Variants in ANTXR1 observed in about 807,000 individuals in gnomAD.
ANTXR1 encodes anthrax toxin receptor 1.
ANTXR1 carries 19 observed loss-of-function variants against 78.1 expected under a neutral mutation model. The ratio of observed to expected loss-of-function variants is 0.24; its 90% confidence interval spans 0.17 to 0.36. ANTXR1 has a LOEUF of 0.36. ANTXR1 is among the 10% of genes least tolerant of loss of function. The pLI is 1.00. For synonymous variants in ANTXR1, 273 were observed against 260.5 expected (o/e 1.05, Z -0.46); for missense variants, 518 against 718.6 (o/e 0.72, Z 3.19).
chr2:69,145,505 G>T, intron 12 of ANTXR1: 2 of 1,461,498 alleles, frequency 1.4e-6, no homozygotes, highest in East Asian at 2.5e-5. Context: ...CTGGAGTTAC[G>T]CACACTGAGT....
chr2:69,196,549 A>G (rs1183656181), intron 17 of ANTXR1, among the ~76,000 whole-genome samples: 3 of 152,168 alleles, frequency 2.0e-5, no homozygotes, highest in South Asian at 2.1e-4. Context: ...CTCTGTCTAT[A>G]TGCTTCTTCT....
intron 3 of ANTXR1, among the ~76,000 whole-genome samples, chr2:69,053,040 A>G (rs1467157942): frequency 6.6e-6 from 1 of 152,228 alleles, no homozygotes; most frequent in Non-Finnish European, 1.5e-5. Context: ...CAACATAAAT[A>G]TAAATTAGAA....
chr2:69,138,334 A>G (rs1241848016), intron 12 of ANTXR1, among the ~76,000 whole-genome samples: 1 of 152,152 alleles, frequency 6.6e-6, no homozygotes, highest in Non-Finnish European at 1.5e-5. Context: ...AGAATGGGAG[A>G]TGACCCACCA....
chr2:69,208,785 G>GC (rs1429251082), intron 17 of ANTXR1, among the ~76,000 whole-genome samples: 1 of 152,160 alleles, frequency 6.6e-6, no homozygotes, highest in Non-Finnish European at 1.5e-5. Flanking sequence ...ATGGATCTCT[G>GC]CCCTTTCTGG....
chr2:69,143,601 G>A (rs934373292), intron 12 of ANTXR1, among the ~76,000 whole-genome samples: 1 of 152,000 alleles, frequency 6.6e-6, no homozygotes, highest in African/African-American at 2.4e-5. Flanking sequence ...ACTATGGGAG[G>A]AAATGAGACA....
intron 10 of ANTXR1, among the ~76,000 whole-genome samples, chr2:69,117,309 T>C (rs1672177547): frequency 6.6e-6 from 1 of 152,230 alleles, no homozygotes; most frequent in Admixed American, 6.5e-5. Context: ...ATTCCGGCTC[T>C]GACACTCACA....
chr2:69,230,640 A>G (rs896329634), intron 17 of ANTXR1, among the ~76,000 whole-genome samples: 2 of 152,122 alleles, frequency 1.3e-5, no homozygotes, highest in African/African-American at 4.8e-5. Flanking sequence ...TTCAACCTTG[A>G]GCTACCCACT....
chr2:69,177,745 T>C (rs1674165764), intron 14 of ANTXR1, among the ~76,000 whole-genome samples: 1 of 152,170 alleles, frequency 6.6e-6, no homozygotes, highest in Admixed American at 6.5e-5. Context: ...CAAATTTTAC[T>C]GAAGGTTTAA....
intron 17 of ANTXR1, among the ~76,000 whole-genome samples, chr2:69,230,760 A>G (rs140422482): frequency 9.7e-4 from 147 of 152,284 alleles, no homozygotes; most frequent in South Asian, 3.9e-3. Context: ...CATTTTTCCC[A>G]GTCCTGAGTT....
intron 12 of ANTXR1, among the ~76,000 whole-genome samples, chr2:69,137,242 A>G (rs1157887984): frequency 6.6e-6 from 1 of 152,044 alleles, no homozygotes; most frequent in Non-Finnish European, 1.5e-5. Flanking sequence ...TTGATATCAT[A>G]CCTGTGTTTT....
At chr2:69,183,361 G>A (rs1197576324) in intron 16 of ANTXR1, among the ~76,000 whole-genome samples, 3 of 151,888 alleles carry the variant, frequency 2.0e-5, no homozygotes, top group Admixed American at 1.3e-4. Context: ...AGTGTAAACC[G>A]TTGGAGGCAG....
chr2:69,196,690 C>T (rs1674675009), intron 17 of ANTXR1, among the ~76,000 whole-genome samples: 1 of 152,184 alleles, frequency 6.6e-6, no homozygotes, highest in African/African-American at 2.4e-5. Context: ...AAAATGACTC[C>T]ATCCAGGCAT....
At chr2:69,238,972 A>G (rs1431346787) in intron 17 of ANTXR1, among the ~76,000 whole-genome samples, 1 of 152,094 alleles carries the variant, frequency 6.6e-6, no homozygotes, top group East Asian at 1.9e-4. Context: ...TGAGCTCACC[A>G]CTGGCAAGTC....
chr2:69,034,583 T>C (rs1012413229), intron 1 of ANTXR1, among the ~76,000 whole-genome samples: 1 of 152,162 alleles, frequency 6.6e-6, no homozygotes, highest in African/African-American at 2.4e-5. Flanking sequence ...ATTAGGGACC[T>C]TTTACATCCA....
chr2:69,176,051 T>C (rs993292806), intron 14 of ANTXR1, among the ~76,000 whole-genome samples: 1 of 151,412 alleles, frequency 6.6e-6, no homozygotes, highest in Non-Finnish European at 1.5e-5. Context: ...TTCTTGCCAG[T>C]GACCATTAAA....
At chr2:69,212,236 G>A (rs72827696) in intron 17 of ANTXR1, among the ~76,000 whole-genome samples, 8,862 of 152,282 alleles carry the variant, frequency 0.058, 359 homozygotes, top group Middle Eastern at 0.088. Context: ...GATGGGAGGA[G>A]TAGAGAAAGA....
intron 12 of ANTXR1, among the ~76,000 whole-genome samples, chr2:69,126,812 G>C (rs1672556068): frequency 6.6e-6 from 1 of 152,212 alleles, no homozygotes; most frequent in Non-Finnish European, 1.5e-5. Flanking sequence ...ACCCACGGCA[G>C]CCTCCAGTTA....
intron 1 of ANTXR1, among the ~76,000 whole-genome samples, chr2:69,028,988 G>A (rs977838793): frequency 1.3e-5 from 2 of 152,100 alleles, no homozygotes; most frequent in Non-Finnish European, 2.9e-5. Context: ...AGGCCAAGAC[G>A]GGCAGATTAC....
At chr2:69,026,206 G>C (rs185430885) in intron 1 of ANTXR1, among the ~76,000 whole-genome samples, 1 of 152,310 alleles carries the variant, frequency 6.6e-6, no homozygotes, top group East Asian at 1.9e-4. Context: ...AACCCAGAAA[G>C]ACTTTATGAG....
Sources: gnomAD v4.1 joint callset for allele counts (sites outside exome capture counted in the v4.1 genomes callset) on GRCh38, gnomAD v4.1.1 for gene constraint, MANE v1.5 for transcripts, NCBI Gene and HGNC (gene_info 2026-07-23, HGNC 2026-07-21) for gene names.